ROBO2: variants seen among roughly 807,000 people sequenced by gnomAD.
The protein encoded by ROBO2 is roundabout homolog 2.
A neutral mutation model predicts 160.8 loss-of-function variants in ROBO2; 53 were observed. The observed-to-expected ratio is 0.33, with a 90% CI of 0.26 to 0.41. ROBO2 has a LOEUF of 0.41. Ranked by LOEUF, ROBO2 falls within the 10% of genes least tolerant of loss-of-function variation. The pLI is 1.00. For synonymous variants in ROBO2, 664 were observed against 611.7 expected (o/e 1.09, Z -1.26); for missense variants, 1,577 against 1,722.4 (o/e 0.92, Z 1.49).
intron 2 of ROBO2, among the ~76,000 whole-genome samples, chr3:77,128,884 A>G (rs1458431840): frequency 1.3e-5 from 2 of 152,196 alleles, no homozygotes; most frequent in Admixed American, 6.5e-5. Context: ...ACTTCCATCA[A>G]AAAATATCTG....
At chr3:77,563,284 C>A in exon 11 of ROBO2, 3 of 1,613,566 alleles carry the variant, frequency 1.9e-6, no homozygotes, top group Non-Finnish European at 2.5e-6. Flanking sequence ...CAGCCAGGTA[C>A]CCCTGGAACC....
At chr3:76,785,361 T>G (rs529656481) in intron 2 of ROBO2, among the ~76,000 whole-genome samples, 230 of 151,316 alleles carry the variant, frequency 1.5e-3, no homozygotes, top group African/African-American at 5.5e-3. Flanking sequence ...CATTGAACTC[T>G]TATAGTACTC....
At chr3:76,055,715 C>A in intron 2 of ROBO2, among the ~76,000 whole-genome samples, 1 of 151,900 alleles carries the variant, frequency 6.6e-6, no homozygotes, top group East Asian at 1.9e-4. Context: ...TGTATGTATA[C>A]TTTTTTTTTA....
At chr3:75,924,447 T>G (rs528861511) in intron 1 of ROBO2, among the ~76,000 whole-genome samples, 1 of 152,068 alleles carries the variant, frequency 6.6e-6, no homozygotes, top group East Asian at 1.9e-4. Flanking sequence ...TCCCCTGGAA[T>G]CTCCTGACAA....
intron 2 of ROBO2, among the ~76,000 whole-genome samples, chr3:76,791,798 C>A (rs1254140573): frequency 3.3e-5 from 5 of 151,560 alleles, no homozygotes; most frequent in African/African-American, 1.2e-4. Context: ...TTCAACCAAC[C>A]ATGGATTGGT....
At chr3:76,660,127 G>A (rs1189575333) in intron 2 of ROBO2, among the ~76,000 whole-genome samples, 1 of 151,734 alleles carries the variant, frequency 6.6e-6, no homozygotes, top group Admixed American at 6.6e-5. Flanking sequence ...GTTAGACAGA[G>A]TAATTTTATG....
At chr3:76,445,124 A>G (rs2077112099) in intron 2 of ROBO2, among the ~76,000 whole-genome samples, 1 of 152,182 alleles carries the variant, frequency 6.6e-6, no homozygotes, top group African/African-American at 2.4e-5. Flanking sequence ...AAGAAGGGAA[A>G]GATATTTTCT....
intron 2 of ROBO2, among the ~76,000 whole-genome samples, chr3:77,283,188 C>T (rs1181939425): frequency 2.0e-5 from 3 of 152,158 alleles, no homozygotes; most frequent in East Asian, 1.9e-4. Context: ...AATGAAGATG[C>T]ATGAAAATAT....
chr3:77,325,613 T>A (rs928653033), intron 2 of ROBO2, among the ~76,000 whole-genome samples: 3 of 152,168 alleles, frequency 2.0e-5, no homozygotes, highest in Non-Finnish European at 4.4e-5. Context: ...AAAATGTGAA[T>A]CTATTGATGT....
At chr3:77,401,849 T>A (rs1206523849) in intron 2 of ROBO2, among the ~76,000 whole-genome samples, 1 of 152,170 alleles carries the variant, frequency 6.6e-6, no homozygotes, top group Non-Finnish European at 1.5e-5. Context: ...CACACTGTCA[T>A]CCACAATGGT....
intron 5 of ROBO2, among the ~76,000 whole-genome samples, chr3:77,498,478 A>T (rs2153604791): frequency 6.6e-6 from 1 of 152,344 alleles, no homozygotes; most frequent in Non-Finnish European, 1.5e-5. Context: ...ACCCACTGAC[A>T]AAATTTCCTT....
At chr3:77,006,370 C>G (rs2061581992) in intron 2 of ROBO2, among the ~76,000 whole-genome samples, 1 of 147,980 alleles carries the variant, frequency 6.8e-6, no homozygotes, top group Non-Finnish European at 1.5e-5. Context: ...TTTAGAAATC[C>G]CCTTGAAAAG....
intron 1 of ROBO2, among the ~76,000 whole-genome samples, chr3:77,076,395 C>T (rs934676033): frequency 2.0e-5 from 3 of 151,968 alleles, no homozygotes; most frequent in South Asian, 2.1e-4. Context: ...TTTTAGCATA[C>T]GTGGTACTAA....
intron 2 of ROBO2, among the ~76,000 whole-genome samples, chr3:76,654,929 T>TATATATATATATATATATATATATATATA (rs5850279): frequency 2.1e-5 from 3 of 141,454 alleles, no homozygotes; most frequent in Admixed American, 7.1e-5. Context: ...ATATATATAT[T>TATATATATATATATATATATATATATATA]TATATATATA....
At chr3:77,388,911 G>A (rs541349523) in intron 2 of ROBO2, among the ~76,000 whole-genome samples, 5 of 152,182 alleles carry the variant, frequency 3.3e-5, no homozygotes, top group African/African-American at 7.2e-5. Context: ...CAGAGTTTAC[G>A]TCAGAGGGGT....
intron 2 of ROBO2, among the ~76,000 whole-genome samples, chr3:77,203,984 CT>C (rs2083169955): frequency 6.6e-6 from 1 of 152,162 alleles, no homozygotes; most frequent in Non-Finnish European, 1.5e-5. Flanking sequence ...GCAACTATCT[CT>C]TTTAGGATAA....
chr3:76,993,494 GA>G, intron 2 of ROBO2, among the ~76,000 whole-genome samples: 1 of 152,198 alleles, frequency 6.6e-6, no homozygotes, highest in Admixed American at 6.5e-5. Flanking sequence ...TATAGTGCTT[GA>G]AATTCTTCCA....
At chr3:76,968,232 G>T (rs190495166) in intron 2 of ROBO2, among the ~76,000 whole-genome samples, 1 of 152,160 alleles carries the variant, frequency 6.6e-6, no homozygotes, top group Non-Finnish European at 1.5e-5. Context: ...ACATATATGA[G>T]GCATATTGTT....
chr3:76,042,674 G>A (rs758943470), intron 2 of ROBO2, among the ~76,000 whole-genome samples: 2 of 151,988 alleles, frequency 1.3e-5, no homozygotes, highest in Non-Finnish European at 2.9e-5. Flanking sequence ...CCCAAAACCA[G>A]GCCTGGGCCT....
Sources: allele counts gnomAD v4.1 joint callset (sites outside exome capture counted in the v4.1 genomes callset), GRCh38; gene constraint gnomAD v4.1.1; transcripts MANE v1.5; gene names NCBI Gene and HGNC (gene_info 2026-07-23, HGNC 2026-07-21).